CBL: variants seen among roughly 807,000 people sequenced by gnomAD.
CBL encodes the protein E3 ubiquitin-protein ligase CBL.
Under a neutral mutation model 96.9 loss-of-function variants are expected in CBL, and 45 were observed. That is an observed-to-expected ratio of 0.46 (90% CI 0.37 to 0.60). The LOEUF (loss-of-function observed/expected upper bound fraction) is 0.60. CBL is among the 20% of genes least tolerant of loss of function. The pLI is 0.00. For synonymous variants in CBL, 420 were observed against 426.8 expected (o/e 0.98, Z 0.20); for missense variants, 1,024 against 1,143.5 (o/e 0.90, Z 1.51).
rs2135320182 is a variant in CBL at position 119,297,416 on chromosome 11, G to A, written c.2186G>A (p.Cys729Tyr). The A allele has an allele frequency of 6.2e-7, 1 of 1,613,772 alleles. No homozygotes were observed. Among genetic ancestry groups the A allele is most frequent in the Non-Finnish European group, 8.5e-7 (1 of 1,179,890 alleles). ...GATTGCGACCAGCAGATTGATAGCT[G>A]TACGTATGAAGCAATGTATAATATT... Reference protein sequence around the residue: ...ACDCDQQIDSCTYEAMYNIQS... With the variant: ...ACDCDQQIDSYTYEAMYNIQS... Residue 729 changes from cysteine to tyrosine, a missense_variant, in exon 14 of 16, where the codon TGT becomes TAT. Coordinates refer to ENST00000264033, the MANE Select transcript of CBL (RefSeq NM_005188.4).
In CBL at chr11:119,285,475, G is replaced by A. The variant is rs780457588; in HGVS notation, c.1850G>A (p.Arg617Gln). The change falls in exon 11 of 16, where the codon CGG becomes CAG. Residue 617 changes from arginine to glutamine, a missense_variant. Arg to Gln is a conservative substitution (Grantham distance 43). Around this residue, in one of 4 missense-constraint regions of CBL, gnomAD observed 695 missense variants for 661.6 expected, o/e 1.05. Coordinates refer to ENST00000264033, the MANE Select transcript of CBL (RefSeq NM_005188.4). ...TGGACAGGAAGAGAATTAACCAACCGGCACTCACTTCCATTTTCATTGCCC... is the reference window on the plus strand; with the variant it reads ...TGGACAGGAAGAGAATTAACCAACCAGCACTCACTTCCATTTTCATTGCCC... ...DPWTGRELTNRHSLPFSLPSQ... is the reference protein window; with the variant it reads ...DPWTGRELTNQHSLPFSLPSQ... 13 of 1,613,944 alleles carry A rather than the reference G, an allele frequency of 8.1e-6. No individual in the cohort carries two copies. Among genetic ancestry groups the A allele is most frequent in the African/African-American group, 2.7e-5 (2 of 74,898 alleles).
At chr11:119,293,467 A>G (rs577251012) in intron 12 of CBL, among the ~76,000 whole-genome samples, 4 of 151,480 alleles carry the variant, frequency 2.6e-5, no homozygotes, top group Non-Finnish European at 5.9e-5. Context: ...CGTAACTCCA[A>G]CTCTGTCCAG....
chr11:119,232,614 A>G lies in CBL; in HGVS notation c.362A>G (p.Asn121Ser). The G allele has an allele frequency of 3.7e-6, 6 of 1,614,024 alleles. No homozygotes were observed. The highest frequency in any genetic ancestry group is 5.1e-6 in the Non-Finnish European group (6 of 1,179,894). ...GAGTATTTTAGGGTGTTTATGGAGA[A>G]TTTGATGAAGAAAACTAAGCAAACC... ...ENEYFRVFME[N>S]LMKKTKQTIS... The change falls in exon 2 of 16, where the codon AAT becomes AGT. Residue 121 changes from asparagine to serine, a missense_variant. Asn to Ser is a conservative substitution (Grantham distance 46, BLOSUM62 1). Transcript: ENST00000264033.
rs180971176 is a variant in CBL, at chr11:119,301,636, A to G, written c.*1855A>G. ...TTATCCCCTGGCCTCAGAGCCATTT[A>G]TATTCCCAGAGTAGGCAGTACAGGA... On this transcript the variant is annotated 3_prime_UTR_variant, in exon 16 of 16. Transcript: ENST00000264033. 9 of 233,264 alleles carry G rather than the reference A, an allele frequency of 3.9e-5. No homozygotes were observed. Among genetic ancestry groups the G allele is most frequent in the Non-Finnish European group, 5.9e-5 (7 of 118,034 alleles). The allele number at this position is 233,264 out of a possible 1,614,324, so 14.4% of individuals were successfully genotyped here.
chr11:119,280,560 A>G (rs1949925247), intron 9 of CBL, among the ~76,000 whole-genome samples: 1 of 152,060 alleles, frequency 6.6e-6, no homozygotes, highest in Non-Finnish European at 1.5e-5. Flanking sequence ...TTTTTTTAAT[A>G]TACTGAATCT....
intron 2 of CBL, among the ~76,000 whole-genome samples, chr11:119,241,113 A>G (rs1214210024): frequency 6.6e-6 from 1 of 152,190 alleles, no homozygotes; most frequent in Non-Finnish European, 1.5e-5. Flanking sequence ...ACATAATTCT[A>G]TCTATTATTG....
At chr11:119,270,434 ATATTTT>A (rs1949836044) in intron 2 of CBL, among the ~76,000 whole-genome samples, 1 of 41,548 alleles carries the variant, frequency 2.4e-5, no homozygotes, top group African/African-American at 1.0e-4. Context: ...ATATATATAT[ATATTTT>A]TTTTTTTTTT....
chr11:119,298,056 A>G (rs761149475), intron 14 of CBL, among the ~76,000 whole-genome samples: 6 of 152,222 alleles, frequency 3.9e-5, no homozygotes, highest in Non-Finnish European at 8.8e-5. Context: ...CCAAGGTGGA[A>G]TGTGGATAGA....
intron 1 of CBL, among the ~76,000 whole-genome samples, chr11:119,232,037 G>A (rs1565859667): frequency 6.6e-6 from 1 of 152,080 alleles, no homozygotes; most frequent in Non-Finnish European, 1.5e-5. Context: ...GGGGGTTTGA[G>A]GCTGCACTGA....
intron 1 of CBL, among the ~76,000 whole-genome samples, chr11:119,220,417 T>G (rs1045061466): frequency 6.6e-6 from 1 of 152,162 alleles, no homozygotes; most frequent in African/African-American, 2.4e-5. Context: ...AAGACCAGCC[T>G]GGATAACATA....
At chr11:119,230,542 G>A (rs1949495123) in intron 1 of CBL, among the ~76,000 whole-genome samples, 2 of 152,298 alleles carry the variant, frequency 1.3e-5, no homozygotes, top group South Asian at 4.1e-4. Context: ...ACTGCTAATA[G>A]CAAGAAAACT....
intron 1 of CBL, among the ~76,000 whole-genome samples, chr11:119,220,970 A>T (rs1491000668): frequency 2.0e-5 from 3 of 151,802 alleles, no homozygotes; most frequent in African/African-American, 7.3e-5. Context: ...AGGTGGCCGG[A>T]TGCAGTGGCT....
chr11:119,250,804 A>T (rs937988771), intron 2 of CBL, among the ~76,000 whole-genome samples: 1 of 152,024 alleles, frequency 6.6e-6, no homozygotes, highest in Admixed American at 6.6e-5. Flanking sequence ...TACAAAAATT[A>T]GCCGGGTGTG....
chr11:119,223,184 CTTTT>C lies in CBL; in HGVS notation c.196-9237_196-9234del, dbSNP rs1167302746. Among the ~76,000 whole-genome samples the C allele has an allele frequency of 1.4e-3, 94 of 67,190 alleles. 1 individual carries two copies. The highest frequency in any genetic ancestry group is 2.7e-3 in the East Asian group (4 of 1,464). The allele number at this position is 67,190 out of a possible 152,430, so 44.1% of individuals were successfully genotyped here. On this transcript the variant is annotated intron_variant, in intron 1 of 15. Coordinates refer to ENST00000264033, the MANE Select transcript of CBL (RefSeq NM_005188.4). ...CAGAGCAAACCACCCCACACCCTTCCTTTTTTTTTTTTTTTTTTTTTTTTTTTTT... is the reference window on the plus strand; with the variant it reads ...CAGAGCAAACCACCCCACACCCTTCCTTTTTTTTTTTTTTTTTTTTTTTTT...
chr11:119,223,658 C>G (rs960973873), intron 1 of CBL, among the ~76,000 whole-genome samples: 2 of 151,462 alleles, frequency 1.3e-5, no homozygotes, highest in Non-Finnish European at 2.9e-5. Context: ...GCGTCTCTCT[C>G]TCTCTGTTGC....
chr11:119,288,540 T>C (rs1156683099), intron 12 of CBL, among the ~76,000 whole-genome samples: 1 of 152,178 alleles, frequency 6.6e-6, no homozygotes, highest in Non-Finnish European at 1.5e-5. Context: ...ACACCAATGC[T>C]ACTGGGTCCT....
chr11:119,225,999 G>A (rs1172570012), intron 1 of CBL, among the ~76,000 whole-genome samples: 1 of 152,182 alleles, frequency 6.6e-6, no homozygotes, highest in Admixed American at 6.5e-5. Flanking sequence ...AAAGTGCTGG[G>A]ATTACAGGCA....
At chr11:119,242,509 GCCTGAGTGAC>G (rs966759114) in intron 2 of CBL, among the ~76,000 whole-genome samples, 5 of 133,720 alleles carry the variant, frequency 3.7e-5, no homozygotes, top group African/African-American at 1.4e-4. Flanking sequence ...CTGCACTCTA[GCCTGAGTGAC>G]AGAGTGAGAC....
chr11:119,283,192 A>T (rs1350088264), intron 9 of CBL, among the ~76,000 whole-genome samples: 1 of 152,242 alleles, frequency 6.6e-6, no homozygotes, highest in African/African-American at 2.4e-5. Flanking sequence ...ATAGCTACTG[A>T]CAAAATAATT....
Sources: gnomAD v4.1 joint callset for allele counts (sites outside exome capture counted in the v4.1 genomes callset) on GRCh38, gnomAD v4.1.1 for gene constraint, gnomAD v4.1.1 regional missense constraint, MANE v1.5 for transcripts, NCBI Gene and HGNC (gene_info 2026-07-23, HGNC 2026-07-21) for gene names.